SFMBT2: variants seen among roughly 807,000 people sequenced by gnomAD.
The protein encoded by SFMBT2 is scm-like with four MBT domains protein 2.
SFMBT2 carries 38 observed loss-of-function variants against 110.1 expected under a neutral mutation model. That is an observed-to-expected ratio of 0.35 (90% CI 0.27 to 0.45). The LOEUF (loss-of-function observed/expected upper bound fraction) is 0.45, where lower values mean the gene tolerates loss of function less well. SFMBT2 is among the 20% of genes least tolerant of loss of function. The probability of loss-of-function intolerance (pLI) is 1.00; values close to 1 mark genes in which losing one functional copy is unlikely to be tolerated. For synonymous variants in SFMBT2, 425 were observed against 425.4 expected (o/e 1.00, Z 0.01); for missense variants, 1,011 against 1,094.9 (o/e 0.92, Z 1.08).
chr10:7,339,937 T>C (rs1046642430), intron 4 of SFMBT2, among the ~76,000 whole-genome samples: 9 of 152,156 alleles, frequency 5.9e-5, no homozygotes, highest in African/African-American at 1.7e-4. Flanking sequence ...GTCAGCAGGA[T>C]GAGCTAGTTT....
At chr10:7,194,128 A>G (rs1043180138) in intron 15 of SFMBT2, among the ~76,000 whole-genome samples, 30 of 152,110 alleles carry the variant, frequency 2.0e-4, no homozygotes, top group Non-Finnish European at 2.2e-4. Flanking sequence ...CTGTGCCTCC[A>G]CGCCAAGGCC....
intron 9 of SFMBT2, among the ~76,000 whole-genome samples, chr10:7,228,711 CTTT>C (rs1564395125): frequency 4.9e-3 from 654 of 134,138 alleles, no homozygotes; most frequent in African/African-American, 0.017. Flanking sequence ...TTCTTTCTTT[CTTT>C]CTTTCTTTCT....
Position 7,176,147 on chromosome 10 carries a change from G to A in SFMBT2, c.1827C>T (p.Tyr609=), listed in dbSNP as rs752949668. 6.8e-6 allele frequency: 11 copies of A among 1,614,158 alleles called. No homozygotes were observed. Among genetic ancestry groups the A allele is most frequent in the Non-Finnish European group, 9.3e-6 (11 of 1,180,026 alleles). ...TCCGTACGATTTTGACCACAGCCCT[G>A]TATGTTTTGCCTCTGTATCTAGAAA... ...TLKAKYRGKT[Y]RAVVKIVRTS... The change falls in exon 17 of 21, where the codon TAC becomes TAT. Residue 609 remains tyrosine, a synonymous_variant. Coordinates refer to ENST00000397167, the MANE Select transcript of SFMBT2 (RefSeq NM_001387889.1).
chr10:7,230,875 T>C (rs969856183), intron 9 of SFMBT2, among the ~76,000 whole-genome samples: 1 of 152,124 alleles, frequency 6.6e-6, no homozygotes, highest in Non-Finnish European at 1.5e-5. Context: ...GAGATTGCTG[T>C]GAGCCAACAT....
chr10:7,365,120 G>A (rs1234141897), intron 4 of SFMBT2, among the ~76,000 whole-genome samples: 1 of 152,202 alleles, frequency 6.6e-6, no homozygotes, highest in African/African-American at 2.4e-5. Flanking sequence ...CATGCACTGT[G>A]CCTCCCAGGG....
intron 4 of SFMBT2, among the ~76,000 whole-genome samples, chr10:7,357,015 T>C (rs1844537833): frequency 6.6e-6 from 1 of 152,202 alleles, no homozygotes; most frequent in African/African-American, 2.4e-5. Context: ...AATCCATGCA[T>C]TTACTTCGCA....
At chr10:7,260,334 G>C (rs1053489632) in intron 7 of SFMBT2, among the ~76,000 whole-genome samples, 1 of 152,178 alleles carries the variant, frequency 6.6e-6, no homozygotes, top group African/African-American at 2.4e-5. Flanking sequence ...CCAGAGAAAA[G>C]GCAAGTGAAT....
intron 7 of SFMBT2, among the ~76,000 whole-genome samples, chr10:7,258,018 G>A (rs561966026): frequency 2.0e-5 from 3 of 152,264 alleles, no homozygotes; most frequent in Non-Finnish European, 4.4e-5. Context: ...TGCAACCTCC[G>A]CCTCCCAGGC....
intron 1 of SFMBT2, among the ~76,000 whole-genome samples, chr10:7,403,882 A>T (rs1846146075): frequency 1.3e-5 from 2 of 152,348 alleles, no homozygotes; most frequent in South Asian, 4.1e-4. Context: ...TGAAGCAACA[A>T]GAAGAGTCAC....
chr10:7,300,610 T>G (rs1282840918), intron 4 of SFMBT2, among the ~76,000 whole-genome samples: 1 of 152,150 alleles, frequency 6.6e-6, no homozygotes, highest in Admixed American at 6.5e-5. Flanking sequence ...CACATCACAG[T>G]ATCTGCCCAG....
chr10:7,173,570 C>G (rs1837956385), intron 17 of SFMBT2, among the ~76,000 whole-genome samples: 1 of 152,234 alleles, frequency 6.6e-6, no homozygotes, highest in Non-Finnish European at 1.5e-5. Context: ...AGCAGAGACA[C>G]AGGTGTACAT....
intron 11 of SFMBT2, chr10:7,219,521 A>C (rs972614894): frequency 5.8e-5 from 9 of 155,954 alleles, no homozygotes; most frequent in Non-Finnish European, 9.8e-5. Flanking sequence ...ATAGTGAGGA[A>C]ATAAAAATGG....
intron 4 of SFMBT2, among the ~76,000 whole-genome samples, chr10:7,319,375 G>C (rs1843105201): frequency 6.6e-6 from 1 of 152,158 alleles, no homozygotes; most frequent in Non-Finnish European, 1.5e-5. Context: ...TACTGTCACA[G>C]AGCTGCAAAC....
intron 11 of SFMBT2, among the ~76,000 whole-genome samples, chr10:7,218,197 A>G (rs192070062): frequency 2.0e-5 from 3 of 152,366 alleles, no homozygotes; most frequent in East Asian, 3.9e-4. Context: ...AATCATCATT[A>G]GATAAAAAAA....
chr10:7,256,686 C>T (rs1275077752), intron 7 of SFMBT2, among the ~76,000 whole-genome samples: 1 of 152,098 alleles, frequency 6.6e-6, no homozygotes, highest in Non-Finnish European at 1.5e-5. Context: ...CGATGTTAAC[C>T]AAGACAGGTT....
At chr10:7,398,167 G>T (rs961718898) in intron 1 of SFMBT2, among the ~76,000 whole-genome samples, 1 of 152,200 alleles carries the variant, frequency 6.6e-6, no homozygotes, top group Non-Finnish European at 1.5e-5. Context: ...GGGGATAATA[G>T]GCACTCTAGG....
At chr10:7,306,305 G>T (rs964326147) in intron 4 of SFMBT2, among the ~76,000 whole-genome samples, 1 of 152,238 alleles carries the variant, frequency 6.6e-6, no homozygotes, top group Admixed American at 6.5e-5. Context: ...CAGAAGCCAA[G>T]AGTGTTTTTC....
intron 4 of SFMBT2, among the ~76,000 whole-genome samples, chr10:7,344,226 C>T (rs1038766462): frequency 6.6e-6 from 1 of 152,130 alleles, no homozygotes; most frequent in Non-Finnish European, 1.5e-5. Flanking sequence ...AAGGTGAGTT[C>T]CGTGTGGGTG....
chr10:7,225,427 G>A (rs188032018), intron 10 of SFMBT2, among the ~76,000 whole-genome samples: 13 of 152,272 alleles, frequency 8.5e-5, no homozygotes, highest in East Asian at 5.8e-4. Context: ...TACGCATTCC[G>A]TTAAAGAGCA....
Sources: allele counts gnomAD v4.1 joint callset (sites outside exome capture counted in the v4.1 genomes callset), GRCh38; gene constraint gnomAD v4.1.1; transcripts MANE v1.5; gene names NCBI Gene and HGNC (gene_info 2026-07-23, HGNC 2026-07-21).